Variants in GLDC observed in about 807,000 individuals in gnomAD.
GLDC encodes glycine decarboxylase, also known as glycine dehydrogenase (decarboxylating), mitochondrial.
Under a neutral mutation model 121.3 loss-of-function variants are expected in GLDC, and 104 were observed. The ratio of observed to expected loss-of-function variants is 0.86; its 90% CI spans 0.73 to 1.01. The LOEUF (loss-of-function observed/expected upper bound fraction) is 1.01. Among genes scored for constraint, GLDC ranks in the 50% least tolerant of loss-of-function variants. The probability of loss-of-function intolerance (pLI) is 0.00; values close to 1 mark genes in which losing one functional copy is unlikely to be tolerated. For synonymous variants in GLDC, 546 were observed against 480.6 expected (o/e 1.14, Z -1.78); for missense variants, 1,429 against 1,306.6 (o/e 1.09, Z -1.44).
chr9:6,634,805 T>C (rs111473079), intron 2 of GLDC, among the ~76,000 whole-genome samples: 1 of 152,122 alleles, frequency 6.6e-6, no homozygotes, highest in African/African-American at 2.4e-5. Flanking sequence ...CTGCATTAGT[T>C]TGGAGGCTCC....
chr9:6,546,762 G>C (rs986838626), intron 21 of GLDC, among the ~76,000 whole-genome samples: 2 of 151,830 alleles, frequency 1.3e-5, no homozygotes, highest in African/African-American at 4.8e-5. Context: ...AGGAGTTTGA[G>C]ACCAGCCCGG....
At chr9:6,549,999 C>A (rs1442877810) in intron 21 of GLDC, among the ~76,000 whole-genome samples, 1 of 152,146 alleles carries the variant, frequency 6.6e-6, no homozygotes, top group African/African-American at 2.4e-5. Context: ...TGCTCCCTCT[C>A]CCCTATCCCA....
chr9:6,629,221 ATTT>A (rs34170195), intron 2 of GLDC, among the ~76,000 whole-genome samples: 76 of 145,436 alleles, frequency 5.2e-4, no homozygotes, highest in Middle Eastern at 3.5e-3. Flanking sequence ...TTAAATATTC[ATTT>A]TTTTTTTTTT....
intron 2 of GLDC, among the ~76,000 whole-genome samples, chr9:6,643,256 C>G (rs1258334277): frequency 3.3e-5 from 5 of 151,742 alleles, no homozygotes; most frequent in Non-Finnish European, 7.4e-5. Context: ...ATCCCTAAAT[C>G]TCAATTAGTT....
intron 8 of GLDC, among the ~76,000 whole-genome samples, chr9:6,598,981 G>A (rs1342086153): frequency 1.3e-5 from 2 of 152,072 alleles, no homozygotes; most frequent in African/African-American, 2.4e-5. Context: ...AGGAGTTCGA[G>A]ACCAGCCTGG....
At chr9:6,560,778 A>G (rs1261735875) in intron 16 of GLDC, among the ~76,000 whole-genome samples, 3 of 152,350 alleles carry the variant, frequency 2.0e-5, no homozygotes, top group Middle Eastern at 3.4e-3. Flanking sequence ...TCCCTGTCCT[A>G]ATCCTCGGAA....
chr9:6,578,111 C>T (rs970022929), intron 15 of GLDC, among the ~76,000 whole-genome samples: 2 of 151,778 alleles, frequency 1.3e-5, no homozygotes, highest in Admixed American at 6.6e-5. Context: ...GACTAAGTCT[C>T]ACTATCTGGT....
rs181986152 is a variant in GLDC, at chr9:6,559,590, C to T, written c.1927-906G>A. Among the ~76,000 whole-genome samples, 654 of 144,082 alleles carry T rather than the reference C, an allele frequency of 4.5e-3. 5 individuals are homozygous for T. Among genetic ancestry groups the T allele is most frequent in the African/African-American group, 0.016 (606 of 39,010 alleles). 94.5% of individuals were successfully genotyped at this position (144,082 alleles called of 152,430 possible). ...GCTCACGCCTGTAATCCCAACACTT[C>T]GGGAGGTGGAGGTCAGGAGTTCAAG... On this transcript the variant is annotated intron_variant, in intron 16 of 24. Coordinates refer to ENST00000321612, the MANE Select transcript of GLDC (RefSeq NM_000170.3).
intron 19 of GLDC, among the ~76,000 whole-genome samples, chr9:6,554,219 T>C (rs1817570984): frequency 6.6e-6 from 1 of 152,316 alleles, no homozygotes; most frequent in Admixed American, 6.5e-5. Context: ...GTAACCAGGT[T>C]TGTTTCTTCC....
In GLDC at chr9:6,556,137, C is replaced by T. The variant is rs1414366529; in HGVS notation, c.2202+16G>A. The T allele has an allele frequency of 1.2e-6, 2 of 1,604,868 alleles. No homozygotes were observed. Among genetic ancestry groups the T allele is most frequent in the Non-Finnish European group, 1.7e-6 (2 of 1,173,232 alleles). ...TTTCTCAGTGGGAACTAAGGGCGGG[C>T]CTCTTCAGTTCCCACCTGAGCATTC... On this transcript the variant is annotated intron_variant, in intron 18 of 24. Coordinates refer to ENST00000321612, the MANE Select transcript of GLDC (RefSeq NM_000170.3).
chr9:6,572,365 T>C, intron 15 of GLDC, among the ~76,000 whole-genome samples: 1 of 152,048 alleles, frequency 6.6e-6, no homozygotes, highest in Non-Finnish European at 1.5e-5. Flanking sequence ...CGAAGGAGGG[T>C]TACATTAGGA....
chr9:6,620,338 G>C lies in GLDC; in HGVS notation c.335-19C>G, dbSNP rs773889966. 4.4e-6 allele frequency: 7 copies of C among 1,609,034 alleles called. No individual in the cohort carries two copies. The highest frequency in any genetic ancestry group is 4.3e-6 in the Non-Finnish European group (5 of 1,175,466). ...TTTTCACCTAATTGTGGGAAAAAGA[G>C]AAATGTTACAGACAGATGTCTCAGA... On this transcript the variant is annotated intron_variant, in intron 2 of 24. Transcript: ENST00000321612.
Position 6,579,817 on chromosome 9 carries a change from C to T in GLDC, c.1850+7324G>A, listed in dbSNP as rs141052182. Among the ~76,000 whole-genome samples the T allele has an allele frequency of 6.8e-3, 1,040 of 152,332 alleles. 7 individuals are homozygous for T. Among genetic ancestry groups the T allele is most frequent in the South Asian group, 0.014 (66 of 4,828 alleles). Reference sequence around the variant, plus strand: ...GGCTGCCCGGGCAACCTGTTCTGAGCACTCTCCCTGTGCTTCCTCTCTGTT... The same window carrying T: ...GGCTGCCCGGGCAACCTGTTCTGAGTACTCTCCCTGTGCTTCCTCTCTGTT... On this transcript the variant is annotated intron_variant, in intron 15 of 24. Coordinates refer to ENST00000321612, the MANE Select transcript of GLDC (RefSeq NM_000170.3).
chr9:6,605,142 G>C lies in GLDC; in HGVS notation c.850C>G (p.His284Asp). Residue 284 changes from histidine (H) to aspartate (D), a missense_variant, in exon 6 of 25, where the codon CAT becomes GAT. Coordinates refer to ENST00000321612, the MANE Select transcript of GLDC (RefSeq NM_000170.3). ...EDFTELVERA[H>D]QSGSLACCAT... ...AAAGGTATACCTACCCCACTCTGAT[G>C]AGCTCTCTCCACGAGTTCCGTAAAG... The C allele has an allele frequency of 6.2e-7, 1 of 1,612,542 alleles. No individual in the cohort carries two copies. Among genetic ancestry groups the C allele is most frequent in the Admixed American group, 1.7e-5 (1 of 59,998 alleles).
chr9:6,643,334 A>C (rs4742234), intron 2 of GLDC, among the ~76,000 whole-genome samples: 2 of 151,104 alleles, frequency 1.3e-5, no homozygotes, highest in African/African-American at 4.9e-5. Flanking sequence ...AGCAGCCCTC[A>C]GCATAGCCTG....
intron 2 of GLDC, among the ~76,000 whole-genome samples, chr9:6,637,224 G>A (rs917772799): frequency 6.6e-6 from 1 of 152,046 alleles, no homozygotes; most frequent in Admixed American, 6.6e-5. Flanking sequence ...GGCCAACATG[G>A]TGAAACCCCG....
chr9:6,561,813 G>A (rs58097455), intron 16 of GLDC, among the ~76,000 whole-genome samples: 2,308 of 152,294 alleles, frequency 0.015, 46 homozygotes, highest in African/African-American at 0.052. Context: ...AGAATAGCAT[G>A]AGGTCATCTT....
chr9:6,565,497 A>T, intron 15 of GLDC, 68 bp from the exon 16 acceptor site: 4 of 1,246,408 alleles, frequency 3.2e-6, no homozygotes, highest in Non-Finnish European at 4.7e-6. Flanking sequence ...TTCAATATTT[A>T]TTGGGCCCTG....
Position 6,604,463 on chromosome 9 carries a change from T to C in GLDC, c.1058+125A>G, listed in dbSNP as rs910085353. ...ACAGAATTGTTCTTCTGAATCTATG[T>C]TGTACATTTCCTTAACTGACTCAAC... On this transcript the variant is annotated intron_variant, in intron 7 of 24. Coordinates refer to ENST00000321612, the MANE Select transcript of GLDC (RefSeq NM_000170.3). 64 of 872,532 alleles carry C rather than the reference T, an allele frequency of 7.3e-5. No individual in the cohort carries two copies. In the African/African-American group the frequency reaches 8.0e-4, roughly 11 times the overall value. The allele number at this position is 872,532 out of a possible 1,614,324, so 54.0% of individuals were successfully genotyped here. A position where few individuals can be genotyped will look rare whatever the true frequency, so the allele number is the denominator to read the frequency against.
Sources: gnomAD v4.1 joint callset for allele counts (sites outside exome capture counted in the v4.1 genomes callset) on GRCh38, gnomAD v4.1.1 for gene constraint, MANE v1.5 for transcripts, NCBI Gene and HGNC (gene_info 2026-07-23, HGNC 2026-07-21) for gene names.